PARD3: variants seen among roughly 807,000 people sequenced by gnomAD.
The protein encoded by PARD3 is partitioning defective 3 homolog.
In PARD3, 75 loss-of-function variants were observed where a neutral mutation model predicts 155.4. The ratio of observed to expected loss-of-function variants is 0.48; its 90% CI spans 0.40 to 0.58. PARD3 has a LOEUF of 0.58. Ranked by LOEUF, PARD3 falls within the 20% of genes least tolerant of loss-of-function variation. The probability of loss-of-function intolerance (pLI) is 0.00; values close to 1 mark genes in which losing one functional copy is unlikely to be tolerated. For missense variants in PARD3, 1,642 were observed against 1,721.7 expected (o/e 0.95, Z 0.82); for synonymous variants, 576 against 610.5 (o/e 0.94, Z 0.83).
intron 11 of PARD3, among the ~76,000 whole-genome samples, 179 bp from the exon 12 acceptor site, chr10:34,372,715 GTGTT>G (rs1840814137): frequency 6.6e-6 from 1 of 151,624 alleles, no homozygotes; most frequent in Non-Finnish European, 1.5e-5. Context: ...GCTGATGTGT[GTGTT>G]TATGTGTGTG....
intron 20 of PARD3, among the ~76,000 whole-genome samples, chr10:34,313,753 G>A (rs1957830678): frequency 6.6e-6 from 1 of 152,188 alleles, no homozygotes; most frequent in Non-Finnish European, 1.5e-5. Flanking sequence ...ATGAGTGGGA[G>A]TTGCAGGGAG....
intron 5 of PARD3, among the ~76,000 whole-genome samples, chr10:34,418,467 C>G (rs1845883257): frequency 1.3e-5 from 2 of 152,132 alleles, no homozygotes; most frequent in African/African-American, 4.8e-5. Flanking sequence ...AGTCACCGCA[C>G]CCAGCATATA....
intron 12 of PARD3, among the ~76,000 whole-genome samples, chr10:34,370,522 C>G (rs926739644): frequency 6.6e-6 from 1 of 152,094 alleles, no homozygotes. Flanking sequence ...TCAAGTGATC[C>G]TCCCAAAGTG....
At chr10:34,800,909 A>C (rs1039363011) in intron 1 of PARD3, among the ~76,000 whole-genome samples, 1 of 152,232 alleles carries the variant, frequency 6.6e-6, no homozygotes, top group Non-Finnish European at 1.5e-5. Context: ...CACTCCCCGG[A>C]ATCTATAAAG....
chr10:34,670,698 A>G (rs2093595528), intron 2 of PARD3, among the ~76,000 whole-genome samples: 1 of 152,200 alleles, frequency 6.6e-6, no homozygotes, highest in Non-Finnish European at 1.5e-5. Flanking sequence ...GAAATCCTAC[A>G]CTAAATGACA....
intron 22 of PARD3, among the ~76,000 whole-genome samples, chr10:34,179,775 T>C (rs915769920): frequency 6.6e-6 from 1 of 152,144 alleles, no homozygotes; most frequent in Non-Finnish European, 1.5e-5. Context: ...ATAATCACAA[T>C]ATACACCAAA....
chr10:34,346,011 A>G (rs984087750), intron 15 of PARD3: 2 of 985,208 alleles, frequency 2.0e-6, no homozygotes, highest in Non-Finnish European at 1.2e-6. Context: ...TCCAAATCAT[A>G]AAAACATCAA....
chr10:34,627,786 T>C (rs539183055), intron 2 of PARD3, among the ~76,000 whole-genome samples: 1 of 152,336 alleles, frequency 6.6e-6, no homozygotes, highest in African/African-American at 2.4e-5. Context: ...TTCTTGGTAC[T>C]TTGTTATGAC....
intron 2 of PARD3, among the ~76,000 whole-genome samples, chr10:34,519,706 C>T (rs530886102): frequency 2.0e-5 from 3 of 151,848 alleles, no homozygotes; most frequent in African/African-American, 2.4e-5. Flanking sequence ...CCCAGCTACT[C>T]GGGAGACTGA....
chr10:34,152,749 G>C (rs1239445625), intron 22 of PARD3, among the ~76,000 whole-genome samples: 1 of 149,652 alleles, frequency 6.7e-6, no homozygotes, highest in Admixed American at 6.7e-5. Context: ...TACTTGGATT[G>C]TTTGCTTTCC....
At chr10:34,694,470 CTTTTTTTT>C (rs34628015) in intron 2 of PARD3, among the ~76,000 whole-genome samples, 4 of 101,922 alleles carry the variant, frequency 3.9e-5, no homozygotes, top group Non-Finnish European at 5.6e-5. Context: ...AAAACTTCTG[CTTTTTTTT>C]TTTTTTTTTT....
intron 22 of PARD3, among the ~76,000 whole-genome samples, chr10:34,248,043 C>T (rs558310811): frequency 1.3e-5 from 2 of 152,318 alleles, no homozygotes; most frequent in South Asian, 4.2e-4. Flanking sequence ...TTTCACATAC[C>T]AGTTGCCTAC....
chr10:34,238,489 C>G (rs530054728), intron 22 of PARD3, among the ~76,000 whole-genome samples: 1 of 152,276 alleles, frequency 6.6e-6, no homozygotes, highest in Admixed American at 6.5e-5. Flanking sequence ...GTAGGGCTAA[C>G]AAACTCCCTT....
At chr10:34,282,801 A>T (rs887621528) in intron 21 of PARD3, among the ~76,000 whole-genome samples, 24 of 152,252 alleles carry the variant, frequency 1.6e-4, no homozygotes, top group African/African-American at 5.1e-4. Context: ...TGAGTCACTA[A>T]ATGCTATGGC....
intron 2 of PARD3, among the ~76,000 whole-genome samples, chr10:34,527,146 T>G (rs967440026): frequency 4.6e-5 from 7 of 152,194 alleles, no homozygotes; most frequent in Non-Finnish European, 1.0e-4. Flanking sequence ...CAATCAGAAC[T>G]GGGAAGCAGT....
At chr10:34,328,538 T>C (rs916868654) in intron 19 of PARD3, among the ~76,000 whole-genome samples, 12 of 151,868 alleles carry the variant, frequency 7.9e-5, no homozygotes, top group Admixed American at 3.9e-4. Context: ...CAGAAGTGAG[T>C]AAAACAACTG....
rs537792426 is a variant in PARD3, at chr10:34,494,485, G to A, written c.403+22494C>T. ...GGAAGAGAGATGTGAATTACTAAAC[G>A]ATCACTTGACTAAACTGGAGAATGG... On this transcript the variant is annotated intron_variant, in intron 3 of 24. Coordinates refer to ENST00000374788, the MANE Select transcript of PARD3 (RefSeq NM_001184785.2). 3.3e-5 allele frequency among the ~76,000 whole-genome samples: 5 copies of A among 152,300 alleles called. No homozygotes were observed. In the East Asian group the frequency reaches 7.7e-4, roughly 23 times the overall value.
chr10:34,196,106 C>T (rs1950920832), intron 22 of PARD3, among the ~76,000 whole-genome samples: 1 of 152,214 alleles, frequency 6.6e-6, no homozygotes, highest in African/African-American at 2.4e-5. Context: ...TTGCTCTCAT[C>T]ATGACTCTTC....
At chr10:34,161,727 C>T (rs113314115) in intron 22 of PARD3, among the ~76,000 whole-genome samples, 172 of 152,328 alleles carry the variant, frequency 1.1e-3, no homozygotes, top group Non-Finnish European at 2.0e-3. Flanking sequence ...CATTTCAAGA[C>T]ACGAACATTC....
Sources: gnomAD v4.1 joint callset for allele counts (sites outside exome capture counted in the v4.1 genomes callset) on GRCh38, gnomAD v4.1.1 for gene constraint, MANE v1.5 for transcripts, NCBI Gene and HGNC (gene_info 2026-07-23, HGNC 2026-07-21) for gene names.